NWD2: variants seen among roughly 807,000 people sequenced by gnomAD.
NWD2 encodes the protein NACHT and WD repeat domain containing 2.
In NWD2, 37 loss-of-function variants were observed where a neutral mutation model predicts 132.7. The ratio of observed to expected loss-of-function variants is 0.28; its 90% CI spans 0.21 to 0.37. NWD2 has a LOEUF of 0.37. NWD2 is among the 10% of genes least tolerant of loss of function. The pLI is 1.00. For synonymous variants in NWD2, 705 were observed against 803.0 expected, an observed-to-expected ratio of 0.88 and a Z score of 2.06; for missense variants, 1,592 against 2,122.4, an observed-to-expected ratio of 0.75 and a Z score of 4.91.
chr4:37,313,503 G>T (rs1776532), intron 1 of NWD2, among the ~76,000 whole-genome samples: 7,526 of 142,042 alleles, frequency 0.053, 942 homozygotes, highest in African/African-American at 0.17. Flanking sequence ...ATTGTGTCTA[G>T]TTGATTCTTC....
At chr4:37,354,729 G>A (rs923279858) in intron 2 of NWD2, among the ~76,000 whole-genome samples, 172 of 152,322 alleles carry the variant, frequency 1.1e-3, no homozygotes, top group African/African-American at 3.7e-3. Flanking sequence ...CCCAAGGGTG[G>A]TGAGATGGAA....
chr4:37,330,147 T>A (rs1296952118), intron 2 of NWD2, among the ~76,000 whole-genome samples: 1 of 152,226 alleles, frequency 6.6e-6, no homozygotes, highest in Non-Finnish European at 1.5e-5. Flanking sequence ...TGTAGTGTTT[T>A]CCTTATTTGT....
chr4:37,407,340 T>C (rs1721065503), intron 3 of NWD2, among the ~76,000 whole-genome samples: 1 of 152,176 alleles, frequency 6.6e-6, no homozygotes, highest in African/African-American at 2.4e-5. Context: ...AAATCTACAC[T>C]GTGAGATATT....
At chr4:37,367,328 T>A (rs937967251) in intron 3 of NWD2, among the ~76,000 whole-genome samples, 1 of 152,188 alleles carries the variant, frequency 6.6e-6, no homozygotes, top group Non-Finnish European at 1.5e-5. Context: ...CAGCTAATGA[T>A]ACAAATTTCA....
intron 3 of NWD2, among the ~76,000 whole-genome samples, chr4:37,418,848 G>T (rs1375571249): frequency 6.6e-6 from 1 of 151,882 alleles, no homozygotes; most frequent in African/African-American, 2.4e-5. Flanking sequence ...ACTTTTTAAT[G>T]ATCACCATGA....
intron 2 of NWD2, among the ~76,000 whole-genome samples, chr4:37,347,124 A>G (rs900864510): frequency 6.6e-6 from 1 of 152,092 alleles, no homozygotes; most frequent in Non-Finnish European, 1.5e-5. Flanking sequence ...TAAATTTCCT[A>G]AATTTTTTTG....
intron 1 of NWD2, among the ~76,000 whole-genome samples, chr4:37,324,927 G>T (rs769855487): frequency 4.3e-4 from 66 of 152,140 alleles, no homozygotes; most frequent in Non-Finnish European, 9.0e-4. Flanking sequence ...CTTTTAAACG[G>T]TTATCTTTGT....
At chr4:37,366,259 T>C (rs377460593) in intron 3 of NWD2, among the ~76,000 whole-genome samples, 3 of 152,192 alleles carry the variant, frequency 2.0e-5, no homozygotes, top group South Asian at 2.1e-4. Context: ...AACATCTAAC[T>C]GGTGTTGCCT....
At chr4:37,343,572 C>T (rs1712688550) in intron 2 of NWD2, among the ~76,000 whole-genome samples, 1 of 152,160 alleles carries the variant, frequency 6.6e-6, no homozygotes, top group African/African-American at 2.4e-5. Flanking sequence ...CATTGTAATA[C>T]CTTTGAAGAA....
intron 2 of NWD2, among the ~76,000 whole-genome samples, chr4:37,353,053 TG>T (rs1719801387): frequency 6.6e-6 from 1 of 152,210 alleles, no homozygotes; most frequent in Non-Finnish European, 1.5e-5. Flanking sequence ...GGCCTGATGG[TG>T]ACAAAATCTC....
At chr4:37,360,565 T>A (rs1359324339) in intron 3 of NWD2, among the ~76,000 whole-genome samples, 2 of 152,202 alleles carry the variant, frequency 1.3e-5, no homozygotes, top group African/African-American at 4.8e-5. Flanking sequence ...AGGCAGCCCC[T>A]AGCAGGGAGA....
intron 3 of NWD2, among the ~76,000 whole-genome samples, chr4:37,366,869 A>T (rs938148595): frequency 2.0e-5 from 3 of 152,172 alleles, no homozygotes; most frequent in Admixed American, 6.5e-5. Flanking sequence ...GAAATAGACA[A>T]ATCTACAGTC....
At chr4:37,328,621 CG>C (rs146823129) in intron 2 of NWD2, among the ~76,000 whole-genome samples, 1,934 of 151,196 alleles carry the variant, frequency 0.013, 39 homozygotes, top group Admixed American at 0.044. Context: ...AGATGTGCCA[CG>C]TTTTCTTTAT....
In NWD2 at chr4:37,443,725, G is replaced by C. The variant is rs1712549648; in HGVS notation, c.1737G>C (p.Gln579His). ...LIPRDRKMCS[Q>H]VLKHQLLRVK... is the part of the protein sequence containing the mutation. ...CCCGAGACAGGAAGATGTGCAGCCA[G>C]GTCCTCAAACACCAGCTGCTGCGCG... The change falls in exon 7 of 7, where the codon CAG (glutamine) becomes CAC (histidine). Residue 579 changes from glutamine (Q) to histidine (H), a missense_variant. Gln to His is a conservative substitution (Grantham distance 24, BLOSUM62 0). Around this residue, in one of 7 missense-constraint regions of NWD2, gnomAD observed 1,071 missense variants for 1,398.0 expected, o/e 0.77. Transcript: ENST00000309447. The surrounding 1 kb of genome is among the most constrained non-coding windows in gnomAD (Gnocchi z 4.1). The C allele has an allele frequency of 1.9e-6, 3 of 1,551,982 alleles. No individual in the cohort carries two copies. Among genetic ancestry groups the C allele is most frequent in the African/African-American group, 2.7e-5 (2 of 73,108 alleles).
intron 3 of NWD2, among the ~76,000 whole-genome samples, chr4:37,379,134 A>G (rs963297884): frequency 6.6e-6 from 1 of 152,234 alleles, no homozygotes; most frequent in Admixed American, 6.5e-5. Context: ...GGAAAACCAC[A>G]TGACAGGGTT....
At chr4:37,292,777 G>A (rs1718391080) in intron 1 of NWD2, among the ~76,000 whole-genome samples, 1 of 152,138 alleles carries the variant, frequency 6.6e-6, no homozygotes, top group South Asian at 2.1e-4. Context: ...TCAGGCATTA[G>A]GTTCTCTTAA....
chr4:37,314,656 C>T (rs890057627), intron 1 of NWD2, among the ~76,000 whole-genome samples: 3 of 151,888 alleles, frequency 2.0e-5, no homozygotes, highest in African/African-American at 4.8e-5. Context: ...GTTTGTTTTC[C>T]TTCATTTCTG....
intron 1 of NWD2, among the ~76,000 whole-genome samples, chr4:37,289,704 AT>A (rs1303434311): frequency 6.6e-6 from 1 of 152,110 alleles, no homozygotes; most frequent in Admixed American, 6.5e-5. Flanking sequence ...CTATGAGATG[AT>A]TTTTGTCAGA....
At chr4:37,429,730 T>C (rs1170637683) in intron 3 of NWD2, among the ~76,000 whole-genome samples, 1 of 152,246 alleles carries the variant, frequency 6.6e-6, no homozygotes, top group Non-Finnish European at 1.5e-5. Flanking sequence ...ATCCTTTGAA[T>C]GAACATTTAG....
Sources: gnomAD v4.1 joint callset for allele counts (sites outside exome capture counted in the v4.1 genomes callset) on GRCh38, gnomAD v4.1.1 for gene constraint, gnomAD v4.1.1 regional missense constraint, Gnocchi (gnomAD v3.1) non-coding constraint, MANE v1.5 for transcripts, NCBI Gene and HGNC (gene_info 2026-07-23, HGNC 2026-07-21) for gene names.